The following VSIG10 variants were observed in gnomAD, a reference collection of about 807,000 sequenced individuals.
The protein encoded by VSIG10 is V-set and immunoglobulin domain containing 10.
VSIG10 carries 48 observed loss-of-function variants against 58.7 expected under a neutral mutation model. That is an observed-to-expected ratio of 0.82 (90% CI 0.65 to 1.04). The LOEUF (loss-of-function observed/expected upper bound fraction) is 1.04, where lower values mean the gene tolerates loss of function less well. Ranked by LOEUF, VSIG10 falls within the 50% of genes least tolerant of loss-of-function variation. The probability of loss-of-function intolerance (pLI) is 0.00; values close to 1 mark genes in which losing one functional copy is unlikely to be tolerated. For missense variants in VSIG10, 628 were observed against 670.0 expected (o/e 0.94, Z 0.69); for synonymous variants, 260 against 267.1 (o/e 0.97, Z 0.26).
chr12:118,099,313 G>T (rs1410530364), intron 1 of VSIG10, among the ~76,000 whole-genome samples: 1 of 151,734 alleles, frequency 6.6e-6, no homozygotes, highest in Non-Finnish European at 1.5e-5. Flanking sequence ...TGGAGGGGCG[G>T]CGGGTTGGGG....
In VSIG10 at chr12:118,080,729, G is replaced by A. The variant is rs568523272; in HGVS notation, c.665-1123C>T. On this transcript the variant is annotated intron_variant, in intron 3 of 8. Transcript: ENST00000359236. Reference sequence around the variant, plus strand: ...GATTACTGATACATGCCTCAATATAGACGAACCTCAAAAACATGAAGCCAG... The same window carrying A: ...GATTACTGATACATGCCTCAATATAAACGAACCTCAAAAACATGAAGCCAG... Among the ~76,000 whole-genome samples, 30 of 152,160 alleles carry A rather than the reference G, an allele frequency of 2.0e-4. No homozygotes were observed. In the South Asian group the frequency reaches 3.7e-3, roughly 19 times the overall value.
intron 2 of VSIG10, among the ~76,000 whole-genome samples, chr12:118,090,484 G>A (rs923884100): frequency 1.3e-5 from 2 of 151,998 alleles, no homozygotes; most frequent in Non-Finnish European, 2.9e-5. Flanking sequence ...TCAATCCATA[G>A]CACAGGTCCT....
At chr12:118,087,506 A>G (rs1306774830) in intron 2 of VSIG10, among the ~76,000 whole-genome samples, 1 of 152,142 alleles carries the variant, frequency 6.6e-6, no homozygotes, top group Non-Finnish European at 1.5e-5. Flanking sequence ...CCTAGATTCC[A>G]AGGCCATGTT....
chr12:118,081,574 G>A (rs1024232310), intron 3 of VSIG10, among the ~76,000 whole-genome samples: 4 of 152,036 alleles, frequency 2.6e-5, no homozygotes, highest in Admixed American at 1.3e-4. Flanking sequence ...GTGTTCTTCC[G>A]TGGTTCCCAA....
At chr12:118,077,363 C>T (rs546657671) in intron 4 of VSIG10, among the ~76,000 whole-genome samples, 50 of 152,184 alleles carry the variant, frequency 3.3e-4, no homozygotes, top group East Asian at 1.9e-4. Context: ...GAAAAGTGCC[C>T]CTCTTCTTAT....
chr12:118,081,980 G>T, intron 3 of VSIG10, 147 bp downstream of exon 3: 1 of 922,672 alleles, frequency 1.1e-6, no homozygotes, highest in Non-Finnish European at 1.5e-6. Flanking sequence ...TCGCAACTTT[G>T]CACTCCAGCC....
intron 1 of VSIG10, among the ~76,000 whole-genome samples, chr12:118,100,519 T>C (rs1298604363): frequency 1.3e-5 from 2 of 151,962 alleles, no homozygotes; most frequent in East Asian, 1.9e-4. Context: ...AGATAAGAAT[T>C]CTTTTTATTT....
intron 2 of VSIG10, among the ~76,000 whole-genome samples, chr12:118,094,476 C>T (rs2033387677): frequency 6.6e-6 from 1 of 151,998 alleles, no homozygotes; most frequent in Non-Finnish European, 1.5e-5. Context: ...CTCCACCACC[C>T]GGGTTTAACC....
chr12:118,071,390 C>G lies in VSIG10; in HGVS notation c.1299G>C (p.Leu433=), dbSNP rs747626825. 5 of 1,613,748 alleles carry G rather than the reference C, an allele frequency of 3.1e-6. No homozygotes were observed. Among genetic ancestry groups the G allele is most frequent in the Non-Finnish European group, 4.2e-6 (5 of 1,179,858 alleles). The change falls in exon 6 of 9, where the codon CTG becomes CTC. Residue 433 remains leucine, a synonymous_variant. Transcript: ENST00000359236. ...LLGLAIISGL[L]LHYSPVFCWK... The stretch of plus-strand genomic sequence containing the variant: ...AGCAGAACACAGGGCTATAATGCAA[C>G]AGAAGCCCTGAGATAATGGCCAGTC...
rs1407988677 is a variant in VSIG10, at chr12:118,070,274, G to A, written c.1346+778C>T. ...CAAAACACTGTAAAACTGGCTGGGT[G>A]CAGTGGCTCGTGCCTGTAATCCCGG... On this transcript the variant is annotated intron_variant, in intron 7 of 8. Coordinates refer to ENST00000359236, the MANE Select transcript of VSIG10 (RefSeq NM_019086.6). Among the ~76,000 whole-genome samples the A allele has an allele frequency of 3.3e-5, 5 of 152,144 alleles. No individual in the cohort carries two copies. In the East Asian group the frequency reaches 7.7e-4, roughly 23 times the overall value.
chr12:118,086,411 T>C (rs1026214562), intron 2 of VSIG10, among the ~76,000 whole-genome samples: 7 of 152,040 alleles, frequency 4.6e-5, no homozygotes, highest in East Asian at 1.9e-4. Context: ...GAGGCTGCCA[T>C]GAGCCGAGAT....
In VSIG10 at chr12:118,074,054, C is replaced by G. The variant is rs576369949; in HGVS notation, c.926-62G>C. 11 of 1,496,888 alleles carry G rather than the reference C, an allele frequency of 7.3e-6. No individual in the cohort carries two copies. In the African/African-American group the frequency reaches 1.4e-4, roughly 19 times the overall value. The allele number at this position is 1,496,888 out of a possible 1,614,324, so 92.7% of individuals were successfully genotyped here. On this transcript the variant is annotated intron_variant, in intron 4 of 8. Transcript: ENST00000359236. ...AGAGATTCAAGTCATGGCCTGAGAT[C>G]TGCAGGAAAACTGCAGTAGTTTTTT... is the stretch of plus-strand genomic sequence containing the variant.
intron 2 of VSIG10, among the ~76,000 whole-genome samples, chr12:118,086,666 G>A (rs1484909538): frequency 6.6e-6 from 1 of 152,130 alleles, no homozygotes; most frequent in Admixed American, 6.5e-5. Flanking sequence ...AGGCTGACAC[G>A]GGAGGATCGC....
At position 118,095,551 on chromosome 12, in the gene VSIG10, C is replaced by T; in HGVS notation, c.343G>A (p.Val115Met). The change falls in exon 2 of 9, where the codon GTG becomes ATG. Residue 115 changes from valine to methionine, a missense_variant. Physicochemically the swap from Val to Met is conservative, Grantham distance 21. Transcript: ENST00000359236. ...EILNVTQWFQ[V>M]WLQVASGPYQ... ...CACTTACTGGCCACCTGCAGCCACA[C>T]TTGGAACCACTGAGTCACATTCAGG... The T allele has an allele frequency of 6.2e-7, 1 of 1,613,946 alleles. No homozygotes were observed. Among genetic ancestry groups the T allele is most frequent in the Non-Finnish European group, 8.5e-7 (1 of 1,179,864 alleles).
intron 8 of VSIG10, 168 bp from the exon 9 acceptor site, chr12:118,066,862 C>G (rs2032266965): frequency 2.9e-6 from 2 of 697,550 alleles, no homozygotes; most frequent in Non-Finnish European, 4.8e-6. Flanking sequence ...CACCTGTTTT[C>G]TACATTCAGA....
At chr12:118,089,614 C>G (rs2033234829) in intron 2 of VSIG10, among the ~76,000 whole-genome samples, 1 of 152,022 alleles carries the variant, frequency 6.6e-6, no homozygotes, top group African/African-American at 2.4e-5. Flanking sequence ...TTTAATGCAC[C>G]CCCTTCATTC....
intron 1 of VSIG10, among the ~76,000 whole-genome samples, chr12:118,096,573 C>T (rs1295398790): frequency 1.6e-5 from 2 of 128,066 alleles, no homozygotes; most frequent in Admixed American, 8.8e-5. Flanking sequence ...AGCGTAACTC[C>T]GTCTCAAAAA....
chr12:118,066,735 T>G (rs1320482550), intron 8 of VSIG10, 41 bp from the exon 9 acceptor site: 5 of 1,539,448 alleles, frequency 3.2e-6, no homozygotes, highest in Non-Finnish European at 3.5e-6. Flanking sequence ...GTAATCAGAG[T>G]GTGATTCTAT....
chr12:118,094,620 G>A (rs1368768262), intron 2 of VSIG10, among the ~76,000 whole-genome samples: 1 of 152,026 alleles, frequency 6.6e-6, no homozygotes, highest in Admixed American at 6.6e-5. Flanking sequence ...CTGACTTTGG[G>A]TGATCTGCCC....
Sources: allele counts gnomAD v4.1 joint callset (sites outside exome capture counted in the v4.1 genomes callset), GRCh38; gene constraint gnomAD v4.1.1; transcripts MANE v1.5; gene names NCBI Gene and HGNC (gene_info 2026-07-23, HGNC 2026-07-21).